The following AARS1 variants were observed in gnomAD, a reference collection of about 807,000 sequenced individuals.
AARS1 encodes alanine--tRNA ligase, cytoplasmic.
A neutral mutation model predicts 108.9 loss-of-function variants in AARS1; 72 were observed. The observed-to-expected ratio is 0.66, with a 90% CI of 0.55 to 0.80. The LOEUF is 0.80. Among genes scored for constraint, AARS1 ranks in the 30% least tolerant of loss-of-function variants. The pLI, the probability that AARS1 is intolerant of heterozygous loss-of-function variation, is 0.00. For synonymous variants in AARS1, 489 were observed against 465.7 expected (o/e 1.05, Z -0.64); for missense variants, 1,193 against 1,233.2 (o/e 0.97, Z 0.49).
chr16:70,255,879 C>T (rs1256307838), intron 15 of AARS1, 43 bp from the exon 16 acceptor site: 1 of 1,571,830 alleles, frequency 6.4e-7, no homozygotes, highest in Non-Finnish European at 8.7e-7. Context: ...GAGGCCCTGG[C>T]AGCCCTTGGC....
chr16:70,258,336 C>T (rs1426789505), intron 14 of AARS1, 119 bp from the exon 15 acceptor site: 20 of 1,089,116 alleles, frequency 1.8e-5, no homozygotes, highest in South Asian at 2.7e-5. Context: ...TGGCCTAGCA[C>T]GTGCCATGAG....
chr16:70,252,691 G>GGATC lies in AARS1; in HGVS notation c.*26_*29dup. 1 of 1,611,966 alleles carries GGATC rather than the reference G, an allele frequency of 6.2e-7. No homozygotes were observed. Among genetic ancestry groups the GGATC allele is most frequent in the Non-Finnish European group, 8.5e-7 (1 of 1,178,766 alleles). On this transcript the variant is annotated 3_prime_UTR_variant, in exon 21 of 21. Transcript: ENST00000261772. ...ATGAAGAGCTCTTGGCTGGACGGAT[G>GGATC]GATCCAGTGGGAGCCTCCTCCTTCC...
intron 12 of AARS1, 43 bp downstream of exon 12, chr16:70,262,303 C>T (rs757614334): frequency 9.3e-6 from 15 of 1,612,964 alleles, no homozygotes; most frequent in Admixed American, 1.7e-5. Flanking sequence ...CCCGGCTCCA[C>T]GCCTGGCCCT....
chr16:70,276,751 C>T lies in AARS1; in HGVS notation c.334-120G>A. 6 of 1,277,734 alleles carry T rather than the reference C, an allele frequency of 4.7e-6. No homozygotes were observed. The South Asian group carries it at 7.5e-5, about 16-fold the overall frequency. The allele number at this position is 1,277,734 out of a possible 1,614,324, so 79.1% of individuals were successfully genotyped here. A position where few individuals can be genotyped will look rare whatever the true frequency, so the allele number is the denominator to read the frequency against. On this transcript the variant is annotated intron_variant, in intron 3 of 20. Coordinates refer to ENST00000261772, the MANE Select transcript of AARS1 (RefSeq NM_001605.3). ...AACATGTTCACTCTAAATTCAAATTCAAGATCAGTTTATGTAAGAAATCCA... is the reference window on the plus strand; with the variant it reads ...AACATGTTCACTCTAAATTCAAATTTAAGATCAGTTTATGTAAGAAATCCA...
chr16:70,260,863 C>T (rs1043475419), intron 13 of AARS1, among the ~76,000 whole-genome samples, 181 bp downstream of exon 13: 2 of 152,092 alleles, frequency 1.3e-5, no homozygotes, highest in Non-Finnish European at 2.9e-5. Flanking sequence ...GGGGTTTCAC[C>T]GTGTTAGCCA....
intron 7 of AARS1, among the ~76,000 whole-genome samples, chr16:70,269,045 C>T (rs1243997717): frequency 3.9e-5 from 6 of 151,980 alleles, no homozygotes; most frequent in East Asian, 1.9e-4. Context: ...CACCTCTGGC[C>T]GGGCACGGTG....
rs35259849 is a variant in AARS1, at chr16:70,274,934, T to TAAA, written c.479+1549_479+1551dup. On this transcript the variant is annotated intron_variant, in intron 4 of 20. Transcript: ENST00000261772. ...GTGTAACTTTTAAAACTATATAAAG[T>TAAA]AAAAAAAAAAAGACTTGTTTTGGCT... is the stretch of plus-strand genomic sequence containing the variant. Among the ~76,000 whole-genome samples, 21 of 146,028 alleles carry TAAA rather than the reference T, an allele frequency of 1.4e-4. No homozygotes were observed. The East Asian group carries it at 2.6e-3, about 18-fold the overall frequency.
At position 70,267,766 on chromosome 16, in the gene AARS1, T is replaced by C. The variant is rs769241862; in HGVS notation, c.1115A>G (p.Lys372Arg). Reference protein sequence around the residue: ...PELKKDPDMVKDIINEEEVQF... With the variant: ...PELKKDPDMVRDIINEEEVQF... ...CACCTCTTCTTCATTAATGATGTCC[T>C]TCACCATGTCTGGGTCCTTCTTCAG... The change falls in exon 9 of 21, where the codon AAG becomes AGG. Residue 372 changes from lysine to arginine, a missense_variant. Transcript: ENST00000261772. 6.2e-7 allele frequency: 1 copy of C among 1,614,188 alleles called. No homozygotes were observed. Among genetic ancestry groups the C allele is most frequent in the Non-Finnish European group, 8.5e-7 (1 of 1,180,038 alleles).
intron 4 of AARS1, among the ~76,000 whole-genome samples, chr16:70,272,923 C>CAA (rs57936835): frequency 6.7e-6 from 1 of 149,450 alleles, no homozygotes; most frequent in Non-Finnish European, 1.5e-5. Context: ...CACACACACA[C>CAA]AAAAGATTGT....
At position 70,258,950 on chromosome 16, in the gene AARS1, G is replaced by A. The variant is rs747114635; in HGVS notation, c.1992+30C>T. 5.6e-6 allele frequency: 9 copies of A among 1,596,208 alleles called. No individual in the cohort carries two copies. In the South Asian group the frequency reaches 6.6e-5, roughly 12 times the overall value. ...TGGACAGACAGTGACGGTGTGGGGA[G>A]GGGGGGCATTCAGCCGTCGCCCATC... On this transcript the variant is annotated intron_variant, in intron 14 of 20. Coordinates refer to ENST00000261772, the MANE Select transcript of AARS1 (RefSeq NM_001605.3).
intron 2 of AARS1, among the ~76,000 whole-genome samples, chr16:70,281,533 G>C (rs1196436920): frequency 6.6e-6 from 1 of 152,120 alleles, no homozygotes; most frequent in African/African-American, 2.4e-5. Flanking sequence ...AGGTGTGGTG[G>C]CGCACGCTTG....
At chr16:70,280,570 A>G (rs1960672163) in intron 2 of AARS1, among the ~76,000 whole-genome samples, 1 of 152,158 alleles carries the variant, frequency 6.6e-6, no homozygotes, top group African/African-American at 2.4e-5. Flanking sequence ...AGAAAATGTC[A>G]ACTCATCCCA....
chr16:70,260,054 G>A (rs781338549), intron 13 of AARS1, among the ~76,000 whole-genome samples: 2 of 152,234 alleles, frequency 1.3e-5, no homozygotes, highest in Non-Finnish European at 2.9e-5. Flanking sequence ...TTACAGGCAT[G>A]AGCCACTGTG....
chr16:70,259,265 C>CTACAA, intron 13 of AARS1, 79 bp from the exon 14 acceptor site: 1 of 1,441,728 alleles, frequency 6.9e-7, no homozygotes, highest in Non-Finnish European at 9.7e-7. Context: ...CCCCCGAGTG[C>CTACAA]TACAATTTTT....
At chr16:70,277,613 G>T (rs981258491) in intron 2 of AARS1, among the ~76,000 whole-genome samples, 2 of 152,184 alleles carry the variant, frequency 1.3e-5, no homozygotes, top group Admixed American at 6.6e-5. Flanking sequence ...ATGATTGGAT[G>T]TATCAGTCGT....
At chr16:70,283,373 G>T (rs1960754035) in intron 1 of AARS1, among the ~76,000 whole-genome samples, 1 of 151,540 alleles carries the variant, frequency 6.6e-6, no homozygotes, top group African/African-American at 2.4e-5. Context: ...CTCCAGCCTG[G>T]CGACAGAGAG....
intron 1 of AARS1, among the ~76,000 whole-genome samples, chr16:70,284,074 G>T (rs1311109628): frequency 6.6e-6 from 1 of 152,008 alleles, no homozygotes; most frequent in African/African-American, 2.4e-5. Context: ...TAGCCAGGTG[G>T]GTGGATCACG....
chr16:70,287,341 T>C (rs1015259338), intron 1 of AARS1, among the ~76,000 whole-genome samples: 1 of 149,102 alleles, frequency 6.7e-6, no homozygotes, highest in Non-Finnish European at 1.5e-5. Context: ...GTCAGGAGAA[T>C]TGCTTGAACC....
chr16:70,274,728 G>A (rs1365309675), intron 4 of AARS1, among the ~76,000 whole-genome samples: 20 of 151,406 alleles, frequency 1.3e-4, no homozygotes, highest in South Asian at 2.1e-4. Flanking sequence ...CCATCTCGGC[G>A]GGGGTGGGGG....
Sources: gnomAD v4.1 joint callset for allele counts (sites outside exome capture counted in the v4.1 genomes callset) on GRCh38, gnomAD v4.1.1 for gene constraint, MANE v1.5 for transcripts, NCBI Gene and HGNC (gene_info 2026-07-23, HGNC 2026-07-21) for gene names.